Variants in SAV1 observed in about 807,000 individuals in gnomAD.
SAV1 encodes the protein protein salvador homolog 1.
A neutral mutation model predicts 47.3 loss-of-function variants in SAV1; 23 were observed. The observed-to-expected ratio is 0.49, with a 90% CI of 0.35 to 0.69. The LOEUF is 0.69. Ranked by LOEUF, SAV1 falls within the 30% of genes least tolerant of loss-of-function variation. SAV1 has a pLI of 0.01. For synonymous variants in SAV1, 155 were observed against 159.2 expected (o/e 0.97, Z 0.20); for missense variants, 448 against 457.4 (o/e 0.98, Z 0.19).
At chr14:50,664,194 CAAAT>C (rs2039882321) in intron 2 of SAV1, 1 of 152,118 alleles carries the variant, frequency 6.6e-6, no homozygotes, top group Non-Finnish European at 1.5e-5. Flanking sequence ...AGGTACTAGA[CAAAT>C]AAGGTACCAG....
chr14:50,660,949 TTTC>T (rs2039854653), intron 2 of SAV1, among the ~76,000 whole-genome samples: 1 of 152,228 alleles, frequency 6.6e-6, no homozygotes. Flanking sequence ...GATATACTGA[TTTC>T]TTTTCCTTTA....
intron 1 of SAV1, chr14:50,667,382 C>T: frequency 4.4e-6 from 2 of 455,662 alleles, no homozygotes; most frequent in South Asian, 1.6e-5. Flanking sequence ...TGCTTTTCAC[C>T]TTCTCAAGTC....
At chr14:50,648,334 G>A (rs975412733) in intron 2 of SAV1, among the ~76,000 whole-genome samples, 6 of 152,002 alleles carry the variant, frequency 3.9e-5, no homozygotes, top group African/African-American at 1.5e-4. Context: ...AATTTTAGAG[G>A]GTGTTTGAAA....
Position 50,665,636 on chromosome 14 carries a change from G to A in SAV1, c.95-17C>T, listed in dbSNP as rs769433385. On this transcript the variant is annotated splice_polypyrimidine_tract_variant and intron_variant, in intron 1 of 4. Transcript: ENST00000324679. ...GCATAAGATCTACAATAAAACAAAGGATAAAATTACCCTTTCATCATTAAG... is the reference window on the plus strand; with the variant it reads ...GCATAAGATCTACAATAAAACAAAGAATAAAATTACCCTTTCATCATTAAG... 2 of 1,547,678 alleles carry A rather than the reference G, an allele frequency of 1.3e-6. No homozygotes were observed. The highest frequency in any genetic ancestry group is 2.5e-5 in the South Asian group (2 of 80,876).
At chr14:50,635,431 C>T in intron 4 of SAV1, 47 bp from the exon 5 acceptor site, 1 of 1,381,206 alleles carries the variant, frequency 7.2e-7, no homozygotes, top group Non-Finnish European at 1.0e-6. Context: ...CATACATAAA[C>T]ATGTATTTCT....
intron 2 of SAV1, among the ~76,000 whole-genome samples, chr14:50,652,215 T>C (rs996539422): frequency 1.3e-5 from 2 of 152,126 alleles, no homozygotes; most frequent in Non-Finnish European, 2.9e-5. Context: ...AGATGGTAAA[T>C]GTTGTTATGT....
intron 4 of SAV1, among the ~76,000 whole-genome samples, chr14:50,638,390 G>C (rs1415309554): frequency 3.3e-5 from 5 of 152,060 alleles, no homozygotes; most frequent in African/African-American, 1.2e-4. Flanking sequence ...GTTTTTCCTA[G>C]GGCAGTATTC....
At chr14:50,657,955 T>C (rs1054144794) in intron 2 of SAV1, among the ~76,000 whole-genome samples, 3 of 152,248 alleles carry the variant, frequency 2.0e-5, no homozygotes, top group African/African-American at 7.2e-5. Context: ...TTCCAAATTT[T>C]GTAGTGGCTA....
intron 2 of SAV1, among the ~76,000 whole-genome samples, chr14:50,660,327 G>A (rs563692958): frequency 6.6e-6 from 1 of 152,270 alleles, no homozygotes; most frequent in African/African-American, 2.4e-5. Context: ...CTCCAGTCTT[G>A]GCGGTGATGA....
chr14:50,665,345 A>G lies in SAV1; in HGVS notation c.369T>C (p.Ala123=), dbSNP rs1595654948. Residue 123 remains alanine (A), a synonymous_variant, in exon 2 of 5, where the codon GCT becomes GCC. Transcript: ENST00000324679. ...GGGAACCAGAGTCTCCATTTTCAACAGCAAAACTAACTTCCGTTACAAATG... is the reference window on the plus strand; with the variant it reads ...GGGAACCAGAGTCTCCATTTTCAACGGCAAAACTAACTTCCGTTACAAATG... The part of the protein sequence containing the change: ...SQSFVTEVSF[A]VENGDSGSRY... The G allele has an allele frequency of 1.2e-6, 2 of 1,613,680 alleles. No homozygotes were observed. The highest frequency in any genetic ancestry group is 1.7e-5 in the Admixed American group (1 of 59,990).
intron 2 of SAV1, among the ~76,000 whole-genome samples, 185 bp from the exon 3 acceptor site, chr14:50,645,199 G>C (rs2039712161): frequency 6.6e-6 from 1 of 152,106 alleles, no homozygotes; most frequent in Non-Finnish European, 1.5e-5. Flanking sequence ...TTATAAAAAG[G>C]GGGAGGAACT....
chr14:50,657,509 T>C (rs4901047), intron 2 of SAV1, among the ~76,000 whole-genome samples: 35,019 of 152,054 alleles, frequency 0.23, 4,515 homozygotes, highest in African/African-American at 0.35. Context: ...TGCAAACCTG[T>C]TACTAACCAT....
intron 1 of SAV1, 56 bp downstream of exon 1, chr14:50,667,818 C>T (rs2039916080): frequency 6.7e-7 from 1 of 1,485,494 alleles, no homozygotes. Flanking sequence ...CCGCCAGGGT[C>T]CCCGGAGCAC....
chr14:50,655,973 A>G (rs1219164835), intron 2 of SAV1, among the ~76,000 whole-genome samples: 4 of 152,204 alleles, frequency 2.6e-5, no homozygotes, highest in African/African-American at 9.6e-5. Context: ...TGAACCCAGG[A>G]GGCAGAGGTT....
rs749473498 is a variant in SAV1 at position 50,634,830 on chromosome 14, CTT to C, written c.*351_*352del. On this transcript the variant is annotated 3_prime_UTR_variant, in exon 5 of 5. Transcript: ENST00000324679. Reference sequence around the variant, plus strand: ...TTTTTTTAAAAAAATACCGCAGATTCTTTTTTTTTTTTAAAGAAGGTACTACT... The same window carrying C: ...TTTTTTTAAAAAAATACCGCAGATTCTTTTTTTTTTAAAGAAGGTACTACT... 30 of 165,212 alleles carry C rather than the reference CTT, an allele frequency of 1.8e-4. No individual in the cohort carries two copies. Among genetic ancestry groups the C allele is most frequent in the Middle Eastern group, 2.9e-3 (1 of 348 alleles). The allele number at this position is 165,212 out of a possible 1,614,324, so 10.2% of individuals were successfully genotyped here.
At chr14:50,649,816 A>G (rs1329673015) in intron 2 of SAV1, among the ~76,000 whole-genome samples, 1 of 152,242 alleles carries the variant, frequency 6.6e-6, no homozygotes, top group Non-Finnish European at 1.5e-5. Context: ...GAAGACTGCC[A>G]GTCAACCCAA....
intron 2 of SAV1, among the ~76,000 whole-genome samples, chr14:50,645,360 A>G (rs562444174): frequency 8.4e-4 from 128 of 152,312 alleles, no homozygotes; most frequent in African/African-American, 3.0e-3. Flanking sequence ...ATGTTGCCAC[A>G]AGCAGAAAAT....
chr14:50,659,256 A>G (rs2140262419), intron 2 of SAV1, among the ~76,000 whole-genome samples: 1 of 152,260 alleles, frequency 6.6e-6, no homozygotes, highest in Non-Finnish European at 1.5e-5. Context: ...ATCAAATCTT[A>G]TTTCAGTGCA....
chr14:50,659,366 A>C (rs1403566143), intron 2 of SAV1, among the ~76,000 whole-genome samples: 1 of 152,176 alleles, frequency 6.6e-6, no homozygotes, highest in Non-Finnish European at 1.5e-5. Flanking sequence ...ATAAAATTAA[A>C]AACACCCTCA....
Sources: allele counts gnomAD v4.1 joint callset (sites outside exome capture counted in the v4.1 genomes callset), GRCh38; gene constraint gnomAD v4.1.1; transcripts MANE v1.5; gene names NCBI Gene and HGNC (gene_info 2026-07-23, HGNC 2026-07-21).